SHISA9: variants seen among roughly 807,000 people sequenced by gnomAD.
SHISA9 encodes the protein shisa family member 9.
A neutral mutation model predicts 38.0 loss-of-function variants in SHISA9; 13 were observed. The ratio of observed to expected loss-of-function variants is 0.34; its 90% CI spans 0.22 to 0.54. SHISA9 has a LOEUF of 0.54. Among genes scored for constraint, SHISA9 ranks in the 20% least tolerant of loss-of-function variants. The pLI is 0.91. For synonymous variants in SHISA9, 275 were observed against 242.0 expected, an observed-to-expected ratio of 1.14 and a Z score of -1.27; for missense variants, 538 against 575.8, an observed-to-expected ratio of 0.93 and a Z score of 0.67.
the SHISA9 span, among the ~76,000 whole-genome samples, chr16:13,509,662 G>T: frequency 6.6e-6 from 1 of 152,234 alleles, no homozygotes; most frequent in Middle Eastern, 3.4e-3. Context: ...AAATTATCAG[G>T]TCTCTCTGCA....
intron 2 of SHISA9, among the ~76,000 whole-genome samples, chr16:13,119,332 C>T (rs1309460888): frequency 1.3e-5 from 2 of 152,208 alleles, no homozygotes; most frequent in Admixed American, 6.5e-5. Context: ...ACTTTGAATA[C>T]ACTGTTCCTT....
At chr16:13,166,732 C>G (rs11648487) in intron 2 of SHISA9, among the ~76,000 whole-genome samples, 60,785 of 151,976 alleles carry the variant, frequency 0.4, 12,599 homozygotes, top group Admixed American at 0.46. Context: ...TCATGGGATG[C>G]GATAGTGGGA....
rs2051376611 is a variant in SHISA9 at position 13,235,657 on chromosome 16, G to A, written c.*248G>A. On this transcript the variant is annotated 3_prime_UTR_variant, in exon 5 of 5. Coordinates refer to ENST00000558583, the MANE Select transcript of SHISA9 (RefSeq NM_001145204.3). ...GCAATACAGCAAAGGGGAAAATGAG[G>A]CACACTCTTTCCACTTCAGGCCCAA... 2.1e-6 allele frequency: 1 copy of A among 479,060 alleles called. No homozygotes were observed. Among genetic ancestry groups the A allele is most frequent in the Admixed American group, 3.9e-5 (1 of 25,814 alleles). 29.7% of individuals were successfully genotyped at this position (479,060 alleles called of 1,614,324 possible).
intron 2 of SHISA9, among the ~76,000 whole-genome samples, chr16:12,918,999 T>C (rs1305521721): frequency 6.6e-6 from 1 of 152,208 alleles, no homozygotes; most frequent in Non-Finnish European, 1.5e-5. Context: ...ACAGATTTCC[T>C]TGTTTATCTT....
chr16:12,908,684 A>C (rs755406345), intron 1 of SHISA9: 5 of 1,522,118 alleles, frequency 3.3e-6, no homozygotes, highest in Non-Finnish European at 4.4e-6. Context: ...CCCTGCAAAC[A>C]ACAGCTCATG....
the SHISA9 span, among the ~76,000 whole-genome samples, chr16:13,426,002 G>T: frequency 2.0e-5 from 3 of 152,112 alleles, no homozygotes; most frequent in African/African-American, 4.8e-5. Flanking sequence ...GTAAGCTAAC[G>T]AACAGGAAAC....
At chr16:13,475,957 A>C in the SHISA9 span, among the ~76,000 whole-genome samples, 2 of 152,158 alleles carry the variant, frequency 1.3e-5, no homozygotes, top group Admixed American at 6.5e-5. Flanking sequence ...AATGCCAGCT[A>C]TGGGGAGCAG....
At chr16:13,205,011 G>A (rs984364686) in intron 3 of SHISA9, 8 of 152,188 alleles carry the variant, frequency 5.3e-5, no homozygotes, top group Admixed American at 2.0e-4. Context: ...AACAGTCACA[G>A]AAAGCAATTC....
chr16:13,534,703 A>G, the SHISA9 span, among the ~76,000 whole-genome samples: 2 of 151,752 alleles, frequency 1.3e-5, no homozygotes, highest in South Asian at 2.1e-4. Flanking sequence ...TTCAGGGGAA[A>G]CTCTCCTTCA....
chr16:13,554,334 A>G, the SHISA9 span, among the ~76,000 whole-genome samples: 1 of 151,118 alleles, frequency 6.6e-6, no homozygotes, highest in Admixed American at 6.6e-5. Context: ...CCTACCTGAG[A>G]TAACTACAGG....
At chr16:13,331,093 A>G in the SHISA9 span, among the ~76,000 whole-genome samples, 1 of 152,306 alleles carries the variant, frequency 6.6e-6, no homozygotes, top group Admixed American at 6.5e-5. Context: ...CAAGTAATAG[A>G]TATTGAGTAA....
At chr16:12,914,295 C>T (rs1259444113) in intron 1 of SHISA9, among the ~76,000 whole-genome samples, 1 of 151,924 alleles carries the variant, frequency 6.6e-6, no homozygotes, top group East Asian at 1.9e-4. Flanking sequence ...CTGCCCACCT[C>T]GGCCTCCCAA....
intron 2 of SHISA9, among the ~76,000 whole-genome samples, chr16:13,015,890 C>CTTTTTCTTTCTTTCTTTCTTTCTTTCTT: frequency 8.5e-6 from 1 of 117,034 alleles, no homozygotes; most frequent in Non-Finnish European, 1.8e-5. Context: ...TTCTTTCTTT[C>CTTTTTCTTTCTTTCTTTCTTTCTTTCTT]TTTCTTTCTT....
chr16:13,326,428 G>A, the SHISA9 span, among the ~76,000 whole-genome samples: 1 of 152,166 alleles, frequency 6.6e-6, no homozygotes, highest in African/African-American at 2.4e-5. Flanking sequence ...TCTTTCAAGA[G>A]TCAAAGTCCC....
chr16:13,120,295 A>G (rs1415018845), intron 2 of SHISA9, among the ~76,000 whole-genome samples: 2 of 152,250 alleles, frequency 1.3e-5, no homozygotes, highest in Admixed American at 6.5e-5. Context: ...TCCATTTTGG[A>G]GCACTGGAGC....
chr16:13,188,191 GA>G (rs1300533975), intron 2 of SHISA9, among the ~76,000 whole-genome samples: 1 of 152,162 alleles, frequency 6.6e-6, no homozygotes, highest in African/African-American at 2.4e-5. Context: ...ACAAATTTCA[GA>G]GCAACCAAAA....
chr16:13,168,077 C>T (rs989615257), intron 2 of SHISA9, among the ~76,000 whole-genome samples: 1 of 152,152 alleles, frequency 6.6e-6, no homozygotes, highest in Admixed American at 6.5e-5. Context: ...AGGGACTGCT[C>T]CTCTCAGGAT....
At chr16:13,302,104 C>G in the SHISA9 span, among the ~76,000 whole-genome samples, 1 of 151,932 alleles carries the variant, frequency 6.6e-6, no homozygotes, top group East Asian at 1.9e-4. Flanking sequence ...TCCTTTCTTC[C>G]TTCATCACAT....
At chr16:12,902,856 G>GTGTC in intron 1 of SHISA9, 1 of 551,200 alleles carries the variant, frequency 1.8e-6, no homozygotes, top group Non-Finnish European at 3.2e-6. Context: ...GAGCGTGTGT[G>GTGTC]TGTGTGTGTG....
Sources: gnomAD v4.1 joint callset for allele counts (sites outside exome capture counted in the v4.1 genomes callset) on GRCh38, gnomAD v4.1.1 for gene constraint, MANE v1.5 for transcripts, NCBI Gene and HGNC (gene_info 2026-07-23, HGNC 2026-07-21) for gene names.